DPH6: variants seen among roughly 807,000 people sequenced by gnomAD.
DPH6 encodes the protein diphthamine biosynthesis 6.
DPH6 carries 33 observed loss-of-function variants against 38.2 expected under a neutral mutation model. The ratio of observed to expected loss-of-function variants is 0.86; its 90% CI spans 0.65 to 1.15. DPH6 has a LOEUF of 1.15. Among genes scored for constraint, DPH6 ranks in the 50% most tolerant of loss-of-function variants. The pLI, the probability that DPH6 is intolerant of heterozygous loss-of-function variation, is 0.00. For synonymous variants in DPH6, 108 were observed against 103.0 expected (o/e 1.05, Z -0.30); for missense variants, 325 against 320.0 (o/e 1.02, Z -0.12).
intron 3 of DPH6, among the ~76,000 whole-genome samples, chr15:35,258,758 T>C (rs1469635814): frequency 6.6e-6 from 1 of 152,166 alleles, no homozygotes; most frequent in African/African-American, 2.4e-5. Flanking sequence ...TTTTCACTAG[T>C]TGGAAACATG....
chr15:35,293,952 T>C (rs1043046181), intron 3 of DPH6, among the ~76,000 whole-genome samples: 1 of 152,180 alleles, frequency 6.6e-6, no homozygotes, highest in Non-Finnish European at 1.5e-5. Flanking sequence ...CATAAAACCA[T>C]TGGCAATCCA....
intron 3 of DPH6, chr15:35,522,193 G>C (rs757381366): frequency 1.3e-5 from 21 of 1,613,244 alleles, no homozygotes; most frequent in Non-Finnish European, 1.8e-5. Flanking sequence ...GTAAACAATC[G>C]CCTGGCTGCC....
intron 7 of DPH6, among the ~76,000 whole-genome samples, chr15:35,380,064 G>T (rs1310166742): frequency 1.3e-5 from 2 of 152,058 alleles, no homozygotes; most frequent in African/African-American, 4.8e-5. Flanking sequence ...ACTCATAAAT[G>T]AGTAACAATG....
downstream of DPH6, among the ~76,000 whole-genome samples, chr15:35,328,357 T>C (rs1176905328): frequency 2.0e-5 from 3 of 152,064 alleles, no homozygotes; most frequent in Non-Finnish European, 4.4e-5. Flanking sequence ...CTCTTTCCCT[T>C]TTTGTCTCTC....
intron 3 of DPH6, among the ~76,000 whole-genome samples, chr15:35,492,724 C>G (rs1302815912): frequency 6.6e-6 from 1 of 151,738 alleles, no homozygotes; most frequent in Non-Finnish European, 1.5e-5. Flanking sequence ...TTTTTTATTC[C>G]TATTTTGATT....
chr15:35,476,712 G>T (rs554737594), intron 3 of DPH6, among the ~76,000 whole-genome samples: 1 of 151,782 alleles, frequency 6.6e-6, no homozygotes, highest in African/African-American at 2.4e-5. Flanking sequence ...TTAAAACAAG[G>T]TCCTATGATT....
At chr15:35,350,322 G>GT (rs60012895) in intron 3 of DPH6, among the ~76,000 whole-genome samples, 71,667 of 139,700 alleles carry the variant, frequency 0.51, 21,075 homozygotes, top group African/African-American at 0.81. Context: ...ACTGGAGTCT[G>GT]TTTTTTTTTT....
At chr15:35,328,269 C>G (rs1246211991), downstream of DPH6, among the ~76,000 whole-genome samples, 5 of 152,102 alleles carry the variant, frequency 3.3e-5, no homozygotes, top group Non-Finnish European at 7.4e-5. Context: ...CCCCGTTTTT[C>G]TCCTTCTTTC....
At chr15:35,539,904 G>A (rs1418164577) in intron 2 of DPH6, among the ~76,000 whole-genome samples, 1 of 151,982 alleles carries the variant, frequency 6.6e-6, no homozygotes, top group South Asian at 2.1e-4. Context: ...TACTCACATT[G>A]TTACTATAAA....
At chr15:35,168,836 C>G in the DPH6 span, among the ~76,000 whole-genome samples, 26,406 of 151,980 alleles carry the variant, frequency 0.17, 2,674 homozygotes, top group East Asian at 0.37. Flanking sequence ...CTGTCAGGCT[C>G]TGTTTCATTC....
intron 3 of DPH6, among the ~76,000 whole-genome samples, chr15:35,232,955 AACAG>A (rs57405738): frequency 0.2 from 29,663 of 151,990 alleles, 3,179 homozygotes; most frequent in South Asian, 0.31. Flanking sequence ...GATATTCATC[AACAG>A]ACAATTAGCA....
At chr15:35,151,192 T>C in the DPH6 span, among the ~76,000 whole-genome samples, 2 of 152,216 alleles carry the variant, frequency 1.3e-5, no homozygotes, top group East Asian at 3.8e-4. Context: ...AATTTTAGCT[T>C]CTGGATCTAT....
At chr15:35,317,597 A>G (rs1361508326) in intron 3 of DPH6, among the ~76,000 whole-genome samples, 3 of 151,712 alleles carry the variant, frequency 2.0e-5, no homozygotes, top group Admixed American at 6.6e-5. Flanking sequence ...GGACAAAAAA[A>G]AAAAAGAAAA....
At chr15:35,234,042 A>G (rs923759431) in intron 3 of DPH6, among the ~76,000 whole-genome samples, 14 of 152,192 alleles carry the variant, frequency 9.2e-5, no homozygotes, top group African/African-American at 3.4e-4. Context: ...CACAGGAGGA[A>G]CCTGCTATGT....
chr15:35,458,484 A>G (rs1029437741), intron 3 of DPH6, among the ~76,000 whole-genome samples: 1 of 152,218 alleles, frequency 6.6e-6, no homozygotes, highest in African/African-American at 2.4e-5. Context: ...TAGATATTTA[A>G]AAGATAAAGA....
At chr15:35,499,397 G>C (rs2054597364) in intron 3 of DPH6, among the ~76,000 whole-genome samples, 1 of 152,082 alleles carries the variant, frequency 6.6e-6, no homozygotes, top group African/African-American at 2.4e-5. Context: ...TATTGGGCTG[G>C]TATTTGTATC....
At chr15:35,319,219 A>G (rs2052218761) in intron 3 of DPH6, among the ~76,000 whole-genome samples, 1 of 152,144 alleles carries the variant, frequency 6.6e-6, no homozygotes, top group Admixed American at 6.5e-5. Flanking sequence ...TGAAAAATAA[A>G]CCAAATGTAA....
Position 35,496,555 on chromosome 15 carries a change from CAAAA to C in DPH6, c.312+41715_312+41718del, listed in dbSNP as rs1180094812. On this transcript the variant is annotated intron_variant, in intron 3 of 8. Coordinates refer to ENST00000256538, the MANE Select transcript of DPH6 (RefSeq NM_080650.4). ...AGGCAACAAGACGAAAGTTCCATCT[CAAAA>C]AAAAAAAAATATATATATATATATA... Among the ~76,000 whole-genome samples, 14 of 49,248 alleles carry C rather than the reference CAAAA, an allele frequency of 2.8e-4. 1 individual carries two copies. Among genetic ancestry groups the C allele is most frequent in the Admixed American group, 9.6e-4 (4 of 4,182 alleles). The allele number at this position is 49,248 out of a possible 152,430, so 32.3% of individuals were successfully genotyped here. A position where few individuals can be genotyped will look rare whatever the true frequency, so the allele number is the denominator to read the frequency against.
At chr15:35,314,303 G>T (rs2052169175) in intron 3 of DPH6, among the ~76,000 whole-genome samples, 1 of 152,028 alleles carries the variant, frequency 6.6e-6, no homozygotes, top group Non-Finnish European at 1.5e-5. Context: ...AATACATGTG[G>T]TTATGTCATA....
Sources: gnomAD v4.1 joint callset for allele counts (sites outside exome capture counted in the v4.1 genomes callset) on GRCh38, gnomAD v4.1.1 for gene constraint, MANE v1.5 for transcripts, NCBI Gene and HGNC (gene_info 2026-07-23, HGNC 2026-07-21) for gene names.